PCDH15: variants seen among roughly 807,000 people sequenced by gnomAD.
PCDH15 encodes the protein protocadherin related 15, also known as protocadherin-15.
PCDH15 carries 129 observed loss-of-function variants against 178.5 expected under a neutral mutation model. That is an observed-to-expected ratio of 0.72 (90% confidence interval 0.63 to 0.84). The LOEUF (loss-of-function observed/expected upper bound fraction) is 0.84. PCDH15 is among the 40% of genes least tolerant of loss of function. The probability of loss-of-function intolerance (pLI) is 0.00; values close to 1 mark genes in which losing one functional copy is unlikely to be tolerated. For missense variants in PCDH15, 2,230 were observed against 2,099.9 expected (o/e 1.06, Z -1.21); for synonymous variants, 800 against 732.0 (o/e 1.09, Z -1.50).
chr10:55,331,947 C>A (rs754262790), intron 2 of PCDH15, among the ~76,000 whole-genome samples: 3 of 151,946 alleles, frequency 2.0e-5, no homozygotes, highest in Non-Finnish European at 4.4e-5. Context: ...AGATGACATG[C>A]AAAATAATCA....
At chr10:55,374,573 T>C (rs751281762) in intron 2 of PCDH15, among the ~76,000 whole-genome samples, 4 of 151,978 alleles carry the variant, frequency 2.6e-5, no homozygotes, top group Non-Finnish European at 5.9e-5. Flanking sequence ...AGAAACTTAA[T>C]ATGAGAAAAA....
At chr10:54,086,645 A>C (rs1425238441) in intron 16 of PCDH15, among the ~76,000 whole-genome samples, 1 of 152,162 alleles carries the variant, frequency 6.6e-6, no homozygotes, top group Non-Finnish European at 1.5e-5. Flanking sequence ...TGAGAACAAC[A>C]GCATTGAGGT....
intron 3 of PCDH15, among the ~76,000 whole-genome samples, chr10:54,386,514 A>G (rs1949954755): frequency 6.6e-6 from 1 of 152,136 alleles, no homozygotes; most frequent in African/African-American, 2.4e-5. Flanking sequence ...AATATTAATC[A>G]GAGAACCACC....
At chr10:54,239,102 T>C (rs1042277936) in intron 8 of PCDH15, among the ~76,000 whole-genome samples, 11 of 152,134 alleles carry the variant, frequency 7.2e-5, no homozygotes, top group Non-Finnish European at 1.6e-4. Flanking sequence ...AATTGAATCT[T>C]AGCTTTTCGT....
intron 18 of PCDH15, among the ~76,000 whole-genome samples, chr10:54,043,390 T>C (rs1424050788): frequency 6.6e-6 from 1 of 151,484 alleles, no homozygotes; most frequent in African/African-American, 2.4e-5. Flanking sequence ...TCTCTCTCTT[T>C]CTCTTTCTTT....
At chr10:54,517,625 C>A (rs1385112671) in intron 3 of PCDH15, among the ~76,000 whole-genome samples, 2 of 152,036 alleles carry the variant, frequency 1.3e-5, no homozygotes, top group African/African-American at 4.8e-5. Context: ...GACTTTAACA[C>A]CCCACTGTCA....
Position 55,238,700 on chromosome 10 carries a change from C to G in PCDH15, c.-155-72049G>C, listed in dbSNP as rs191244902. On this transcript the variant is annotated intron_variant, in intron 1 of 5. Transcript: ENST00000458638. ...ATTTTATTTTTAAGTTCTTGAATCA[C>G]TTTTTTCTCTTAATTTATATATATT... Among the ~76,000 whole-genome samples, 350 of 151,848 alleles carry G rather than the reference C, an allele frequency of 2.3e-3. 3 individuals are homozygous for G. The highest frequency in any genetic ancestry group is 8.1e-3 in the African/African-American group (336 of 41,462).
At chr10:55,433,426 G>C (rs1375720970) in intron 2 of PCDH15, among the ~76,000 whole-genome samples, 1 of 152,176 alleles carries the variant, frequency 6.6e-6, no homozygotes, top group Non-Finnish European at 1.5e-5. Flanking sequence ...CTTAAGGGCA[G>C]AGCATGAGAG....
chr10:54,527,953 T>C, intron 2 of PCDH15, 76 bp from the exon 3 acceptor site: 1 of 1,122,974 alleles, frequency 8.9e-7, no homozygotes, highest in Non-Finnish European at 1.3e-6. Context: ...CATTGAGATG[T>C]ATATTAATAT....
intron 18 of PCDH15, among the ~76,000 whole-genome samples, chr10:54,049,410 T>C (rs1182158784): frequency 1.3e-5 from 2 of 152,166 alleles, no homozygotes; most frequent in East Asian, 3.9e-4. Flanking sequence ...ATATGTTAAA[T>C]AGGAGGGGTT....
At chr10:54,400,112 T>G (rs1951748845) in intron 3 of PCDH15, among the ~76,000 whole-genome samples, 1 of 152,020 alleles carries the variant, frequency 6.6e-6, no homozygotes, top group Non-Finnish European at 1.5e-5. Flanking sequence ...GGAAAAAAAT[T>G]GAAGTAGATT....
chr10:55,146,631 G>A lies in PCDH15; in HGVS notation c.-80+19945C>T, dbSNP rs541651044. ...AAGTTATACATGAAAGAGCTTGCAA[G>A]TTTTATAAGCACCAAAAGATTACAT... On this transcript the variant is annotated intron_variant, in intron 2 of 5. Coordinates refer to the PCDH15 transcript ENST00000458638. Among the ~76,000 whole-genome samples the A allele has an allele frequency of 1.3e-3, 198 of 151,962 alleles. 1 individual carries two copies. The highest frequency in any genetic ancestry group is 4.6e-3 in the African/African-American group (193 of 41,528).
At chr10:55,213,058 TA>T (rs1840610015) in intron 1 of PCDH15, among the ~76,000 whole-genome samples, 1 of 152,114 alleles carries the variant, frequency 6.6e-6, no homozygotes, top group South Asian at 2.1e-4. Flanking sequence ...CATAGGCATA[TA>T]AAGACATGAT....
At chr10:54,642,218 A>G (rs969239608) in intron 2 of PCDH15, among the ~76,000 whole-genome samples, 7 of 152,186 alleles carry the variant, frequency 4.6e-5, no homozygotes, top group African/African-American at 1.7e-4. Context: ...ACCACTGTCA[A>G]TGAATCAGGA....
At chr10:54,140,338 A>G (rs548226755) in intron 14 of PCDH15, among the ~76,000 whole-genome samples, 1 of 152,298 alleles carries the variant, frequency 6.6e-6, no homozygotes, top group South Asian at 2.1e-4. Flanking sequence ...GGACTTAAAG[A>G]CAGTAAATAT....
chr10:53,930,949 G>A (rs2085008433), intron 25 of PCDH15, among the ~76,000 whole-genome samples: 1 of 152,156 alleles, frequency 6.6e-6, no homozygotes, highest in Non-Finnish European at 1.5e-5. Context: ...TTTGTAAAAG[G>A]AAGATAATTA....
At chr10:54,788,818 T>G (rs2133522932) in intron 1 of PCDH15, among the ~76,000 whole-genome samples, 1 of 151,722 alleles carries the variant, frequency 6.6e-6, no homozygotes, top group East Asian at 2.0e-4. Flanking sequence ...AGAAAAATAG[T>G]AAAGGTGGAA....
rs571684750 is a variant in PCDH15 at position 54,057,239 on chromosome 10, G to C, written c.2220+9518C>G. ...AGCTCCACTAGGCAGTGTCCCAGTG[G>C]GGACTCTGTGTGGGGGCTCCCACCC... On this transcript the variant is annotated intron_variant, in intron 18 of 37. Transcript: ENST00000644397. Among the ~76,000 whole-genome samples, 32 of 152,318 alleles carry C rather than the reference G, an allele frequency of 2.1e-4. No individual in the cohort carries two copies. The South Asian group carries it at 5.4e-3, about 26-fold the overall frequency.
chr10:54,374,905 T>G (rs891590471), intron 4 of PCDH15, among the ~76,000 whole-genome samples: 1 of 152,124 alleles, frequency 6.6e-6, no homozygotes, highest in Admixed American at 6.6e-5. Context: ...TATCAGCTTA[T>G]TTTTAACACA....
Sources: allele counts gnomAD v4.1 joint callset (sites outside exome capture counted in the v4.1 genomes callset), GRCh38; gene constraint gnomAD v4.1.1; transcripts MANE v1.5; gene names NCBI Gene and HGNC (gene_info 2026-07-23, HGNC 2026-07-21).